USP3: variants seen among roughly 807,000 people sequenced by gnomAD.
The protein encoded by USP3 is ubiquitin specific peptidase 3, also known as ubiquitin carboxyl-terminal hydrolase 3.
Under a neutral mutation model 72.3 loss-of-function variants are expected in USP3, and 20 were observed. The observed-to-expected ratio is 0.28, with a 90% confidence interval of 0.19 to 0.40. USP3 has a LOEUF of 0.40. Ranked by LOEUF, USP3 falls within the 10% of genes least tolerant of loss-of-function variation. The pLI is 1.00. For synonymous variants in USP3, 222 were observed against 225.3 expected, an observed-to-expected ratio of 0.99 and a Z score of 0.13; for missense variants, 479 against 633.9, an observed-to-expected ratio of 0.76 and a Z score of 2.62.
At chr15:63,508,058 A>C (rs2065736135) in intron 1 of USP3, among the ~76,000 whole-genome samples, 1 of 152,178 alleles carries the variant, frequency 6.6e-6, no homozygotes, top group Non-Finnish European at 1.5e-5. Flanking sequence ...GTCTCTTGAG[A>C]TGTCACATCA....
intron 1 of USP3, among the ~76,000 whole-genome samples, chr15:63,514,255 C>T (rs756747634): frequency 8.0e-5 from 12 of 150,794 alleles, no homozygotes; most frequent in African/African-American, 2.0e-4. Flanking sequence ...TTTTTTTCTT[C>T]GAATATATAA....
At chr15:63,562,040 C>T (rs1277540294) in intron 7 of USP3, among the ~76,000 whole-genome samples, 1 of 152,192 alleles carries the variant, frequency 6.6e-6, no homozygotes, top group Non-Finnish European at 1.5e-5. Flanking sequence ...TCGGGCTCCT[C>T]CTGGCTTTCT....
At chr15:63,521,604 C>G (rs2065921593) in intron 1 of USP3, among the ~76,000 whole-genome samples, 1 of 152,084 alleles carries the variant, frequency 6.6e-6, no homozygotes, top group Non-Finnish European at 1.5e-5. Context: ...CAAGTAGTAG[C>G]CGATCATAGG....
chr15:63,581,966 G>A (rs931994819), intron 11 of USP3, among the ~76,000 whole-genome samples: 2 of 152,208 alleles, frequency 1.3e-5, no homozygotes, highest in African/African-American at 4.8e-5. Context: ...TTACAGGCGT[G>A]AGCCACTATG....
Position 63,588,066 on chromosome 15 carries a change from T to G in USP3, c.1097-239T>G. On this transcript the variant is annotated intron_variant, in intron 11 of 14. Coordinates refer to ENST00000380324, the MANE Select transcript of USP3 (RefSeq NM_006537.4). The surrounding 1 kb of genome is among the most constrained non-coding windows in gnomAD (Gnocchi z 4.6). ...ATCATTAATAGTAAAACCAACACAA[T>G]TGATCATCACCAGATGTCAGGCATG... 2.8e-6 allele frequency: 1 copy of G among 351,502 alleles called. No individual in the cohort carries two copies. Among genetic ancestry groups the G allele is most frequent in the South Asian group, 7.2e-5 (1 of 13,892 alleles). The allele number at this position is 351,502 out of a possible 1,614,324, so 21.8% of individuals were successfully genotyped here.
At chr15:63,511,862 T>C (rs1035904264) in intron 1 of USP3, among the ~76,000 whole-genome samples, 13 of 152,180 alleles carry the variant, frequency 8.5e-5, no homozygotes, top group African/African-American at 2.9e-4. Context: ...ACTTTGTTGA[T>C]TCCATTTAGT....
chr15:63,560,740 C>T (rs571859524), intron 7 of USP3, among the ~76,000 whole-genome samples: 97 of 152,238 alleles, frequency 6.4e-4, no homozygotes, highest in Non-Finnish European at 1.2e-3. Flanking sequence ...ATCCTGTATC[C>T]TCATTTGGTG....
Position 63,537,148 on chromosome 15 carries a change from T to C in USP3, c.276T>C (p.Ser92=), listed in dbSNP as rs2066169566. ...HTVCMDCSSY[S]TYCYRCDDFV... The stretch of plus-strand genomic sequence containing the variant: ...TATGTATGGATTGCAGTAGCTACAG[T>C]ACATACTGGTAAGTTAACATTTTCT... Residue 92 remains serine, a synonymous_variant, in exon 3 of 15, where the codon AGT becomes AGC. Coordinates refer to ENST00000380324, the MANE Select transcript of USP3 (RefSeq NM_006537.4). 6.2e-7 allele frequency: 1 copy of C among 1,610,802 alleles called. No individual in the cohort carries two copies. Among genetic ancestry groups the C allele is most frequent in the African/African-American group, 1.3e-5 (1 of 74,786 alleles).
At position 63,529,903 on chromosome 15, in the gene USP3, G is replaced by A. The variant is rs890474548; in HGVS notation, c.92-2744G>A. Reference sequence around the variant, plus strand: ...CTGGGCACTTTGGGAGGCTGAGGCAGGGAGGATTGCTTGAGCTAAGGGATT... The same window carrying A: ...CTGGGCACTTTGGGAGGCTGAGGCAAGGAGGATTGCTTGAGCTAAGGGATT... On this transcript the variant is annotated intron_variant, in intron 1 of 14. Transcript: ENST00000380324. The surrounding 1 kb of genome is among the most constrained non-coding windows in gnomAD (Gnocchi z 4.2). 2.8e-4 allele frequency among the ~76,000 whole-genome samples: 42 copies of A among 152,328 alleles called. No individual in the cohort carries two copies. Among genetic ancestry groups the A allele is most frequent in the African/African-American group, 8.7e-4 (36 of 41,572 alleles).
chr15:63,591,683 C>T lies in USP3; in HGVS notation c.*857C>T, dbSNP rs943759119. 6.6e-6 allele frequency: 1 copy of T among 152,172 alleles called. No homozygotes were observed. Among genetic ancestry groups the T allele is most frequent in the Non-Finnish European group, 1.5e-5 (1 of 68,056 alleles). 9.4% of individuals were successfully genotyped at this position (152,172 alleles called of 1,614,324 possible). On this transcript the variant is annotated 3_prime_UTR_variant, in exon 15 of 15. Coordinates refer to ENST00000380324, the MANE Select transcript of USP3 (RefSeq NM_006537.4). ...TGTACCACTGGAAGTCACGACATGT[C>T]CATTATAGACTTACTTACTGCTTGT...
At chr15:63,572,962 G>C (rs1287881231) in intron 9 of USP3, among the ~76,000 whole-genome samples, 2 of 152,258 alleles carry the variant, frequency 1.3e-5, no homozygotes, top group East Asian at 1.9e-4. Flanking sequence ...GTGTTGTGAA[G>C]ATTAATTGAT....
In USP3 at chr15:63,590,830, C is replaced by G. The variant is rs772552303; in HGVS notation, c.*4C>G. 7.5e-6 allele frequency: 12 copies of G among 1,606,032 alleles called. No homozygotes were observed. The South Asian group carries it at 1.3e-4, about 18-fold the overall frequency. On this transcript the variant is annotated 3_prime_UTR_variant, in exon 15 of 15. Coordinates refer to ENST00000380324, the MANE Select transcript of USP3 (RefSeq NM_006537.4). Reference sequence around the variant, plus strand: ...AGCTGGATCGGATAAACTTTAATACCTCCTCCAAATCATCATTCACCAACC... The same window carrying G: ...AGCTGGATCGGATAAACTTTAATACGTCCTCCAAATCATCATTCACCAACC...
chr15:63,556,707 T>G lies in USP3; in HGVS notation c.409T>G (p.Leu137Val), dbSNP rs1013311732. ...TGACAGGCATAAGAAAAGAAAACTT[T>G]TGGAAAACTCAACACTAAACAGCAA... ...TADRHKKRKL[L>V]ENSTLNSKLL... The change falls in exon 5 of 15, where the codon TTG (leucine) becomes GTG (valine). Residue 137 changes from leucine to valine, a missense_variant. By Grantham distance (32) the Leu-to-Val change is conservative (BLOSUM62 1). Coordinates refer to ENST00000380324, the MANE Select transcript of USP3 (RefSeq NM_006537.4). 1 of 1,608,714 alleles carries G rather than the reference T, an allele frequency of 6.2e-7. No individual in the cohort carries two copies. Among genetic ancestry groups the G allele is most frequent in the African/African-American group, 1.3e-5 (1 of 74,664 alleles).
At chr15:63,554,809 T>C (rs2066485396) in intron 4 of USP3, among the ~76,000 whole-genome samples, 2 of 152,244 alleles carry the variant, frequency 1.3e-5, no homozygotes, top group African/African-American at 4.8e-5. Context: ...CTAAACCAAT[T>C]AAAGTACTTC....
At chr15:63,581,977 C>T (rs905282655) in intron 11 of USP3, among the ~76,000 whole-genome samples, 1 of 152,210 alleles carries the variant, frequency 6.6e-6, no homozygotes, top group African/African-American at 2.4e-5. Flanking sequence ...AGCCACTATG[C>T]CTGGCCTGTA....
intron 1 of USP3, among the ~76,000 whole-genome samples, chr15:63,505,523 G>C (rs538574941): frequency 3.3e-5 from 5 of 152,336 alleles, no homozygotes; most frequent in African/African-American, 1.2e-4. Context: ...GGGACTGCTC[G>C]AGTTTGTTTT....
At position 63,562,360 on chromosome 15, in the gene USP3, C is replaced by T. The variant is rs1203598164; in HGVS notation, c.648-535C>T. Among the ~76,000 whole-genome samples, 3 of 152,050 alleles carry T rather than the reference C, an allele frequency of 2.0e-5. No individual in the cohort carries two copies. In the South Asian group the frequency reaches 6.2e-4, roughly 32 times the overall value. ...CATAGAGGTGAAAGTGACAAGAGGACCTCCCGCAGAAAATTCCTGCTGGAA... is the reference window on the plus strand; with the variant it reads ...CATAGAGGTGAAAGTGACAAGAGGATCTCCCGCAGAAAATTCCTGCTGGAA... On this transcript the variant is annotated intron_variant, in intron 7 of 14. Coordinates refer to ENST00000380324, the MANE Select transcript of USP3 (RefSeq NM_006537.4).
Position 63,562,835 on chromosome 15 carries a change from G to C in USP3, c.648-60G>C, listed in dbSNP as rs968961635. 12 of 1,085,126 alleles carry C rather than the reference G, an allele frequency of 1.1e-5. No individual in the cohort carries two copies. The African/African-American group carries it at 1.8e-4, about 16-fold the overall frequency. 67.2% of individuals were successfully genotyped at this position (1,085,126 alleles called of 1,614,324 possible). On this transcript the variant is annotated intron_variant, in intron 7 of 14. Transcript: ENST00000380324. ...TATTAGGCATTTTAGATGGGTGGAC[G>C]CTGTGTTGAAATTGTAGCCTCTCAC...
In USP3 at chr15:63,537,062, G is replaced by A. The variant is rs1037708032; in HGVS notation, c.190G>A (p.Ala64Thr). 2.5e-6 allele frequency: 4 copies of A among 1,613,916 alleles called. No individual in the cohort carries two copies. The highest frequency in any genetic ancestry group is 3.4e-6 in the Non-Finnish European group (4 of 1,179,922). The part of the protein sequence containing the change: ...NGHAKKHYED[A>T]QVPLTNHKKS... ...CCATGCAAAAAAACATTATGAAGATGCACAAGTACCTTTAACCAACCATAA... is the reference window on the plus strand; with the variant it reads ...CCATGCAAAAAAACATTATGAAGATACACAAGTACCTTTAACCAACCATAA... The change falls in exon 3 of 15, where the codon GCA becomes ACA. Residue 64 changes from alanine (A) to threonine (T), a missense_variant. By Grantham distance (58) the Ala-to-Thr change is moderately conservative. Transcript: ENST00000380324.
Sources: allele counts gnomAD v4.1 joint callset (sites outside exome capture counted in the v4.1 genomes callset), GRCh38; gene constraint gnomAD v4.1.1; non-coding constraint Gnocchi (gnomAD v3.1); transcripts MANE v1.5; gene names NCBI Gene and HGNC (gene_info 2026-07-23, HGNC 2026-07-21).